Variants in FAT3 observed in about 807,000 individuals in gnomAD.
FAT3 encodes the protein protocadherin Fat 3.
A neutral mutation model predicts 310.2 loss-of-function variants in FAT3; 95 were observed. The observed-to-expected ratio is 0.31, with a 90% CI of 0.26 to 0.36. The LOEUF (loss-of-function observed/expected upper bound fraction) is 0.36, where lower values mean the gene tolerates loss of function less well. Ranked by LOEUF, FAT3 falls within the 10% of genes least tolerant of loss-of-function variation. The pLI is 1.00. For synonymous variants in FAT3, 2,314 were observed against 2,192.9 expected (o/e 1.06, Z -1.54); for missense variants, 5,408 against 5,715.6 (o/e 0.95, Z 1.74).
chr11:92,700,360 A>T (rs1192187236), intron 4 of FAT3, among the ~76,000 whole-genome samples: 1 of 152,136 alleles, frequency 6.6e-6, no homozygotes, highest in Non-Finnish European at 1.5e-5. Context: ...TCCTGAGTGC[A>T]GTGGAAAGCC....
At chr11:92,790,328 T>A (rs1290918730) in intron 8 of FAT3, 110 bp downstream of exon 8, 5 of 1,218,722 alleles carry the variant, frequency 4.1e-6, no homozygotes, top group Non-Finnish European at 5.7e-6. Context: ...AGTTGTAAAT[T>A]TAGTCTTTTC....
At chr11:92,393,498 A>G (rs1949793853) in intron 2 of FAT3, among the ~76,000 whole-genome samples, 1 of 152,190 alleles carries the variant, frequency 6.6e-6, no homozygotes, top group Non-Finnish European at 1.5e-5. Flanking sequence ...CAGGAATACC[A>G]GCATCCCAAG....
At chr11:92,877,550 T>C (rs1312566867) in intron 22 of FAT3, among the ~76,000 whole-genome samples, 1 of 152,142 alleles carries the variant, frequency 6.6e-6, no homozygotes, top group Non-Finnish European at 1.5e-5. Flanking sequence ...CCTCCCAGTA[T>C]TAGAAACCAG....
Position 92,800,046 on chromosome 11 carries a change from T to G in FAT3, c.7033T>G (p.Leu2345Val), listed in dbSNP as rs771602284. The G allele has an allele frequency of 2.5e-6, 4 of 1,613,984 alleles. No homozygotes were observed. In the South Asian group the frequency reaches 4.4e-5, roughly 18 times the overall value. ...DYFHIDSSSG[L>V]ILTARMLDHE... ...TTTTCACATAGATAGCTCAAGTGGC[T>G]TAATCCTGACAGCACGAATGCTGGA... The change falls in exon 10 of 28, where the codon TTA (leucine) becomes GTA (valine). Residue 2345 changes from leucine to valine, a missense_variant. By Grantham distance (32) the Leu-to-Val change is conservative. Around this residue, in one of 5 missense-constraint regions of FAT3, gnomAD observed 4,588 missense variants for 4,809.8 expected, o/e 0.95. Transcript: ENST00000525166.
intron 4 of FAT3, among the ~76,000 whole-genome samples, chr11:92,739,546 C>T (rs1379075631): frequency 6.6e-6 from 1 of 152,192 alleles, no homozygotes; most frequent in East Asian, 1.9e-4. Context: ...CTTCGCAGAA[C>T]ATTCTCTACA....
chr11:92,346,164 G>GC (rs1398785743), intron 1 of FAT3, among the ~76,000 whole-genome samples: 1 of 152,124 alleles, frequency 6.6e-6, no homozygotes, highest in Non-Finnish European at 1.5e-5. Flanking sequence ...GATTTCAGGA[G>GC]CAAGGACCCA....
chr11:92,504,783 T>G (rs2135285625), intron 2 of FAT3, among the ~76,000 whole-genome samples: 1 of 152,202 alleles, frequency 6.6e-6, no homozygotes, highest in South Asian at 2.1e-4. Flanking sequence ...GTGTATCAGG[T>G]ACTGGGAGGA....
intron 1 of FAT3, among the ~76,000 whole-genome samples, chr11:92,241,469 A>G (rs1055334456): frequency 2.6e-5 from 4 of 152,084 alleles, no homozygotes; most frequent in African/African-American, 9.7e-5. Flanking sequence ...TTTTAGATAG[A>G]TATTTTATTT....
chr11:92,286,024 G>T (rs1015916955), intron 1 of FAT3, among the ~76,000 whole-genome samples: 1 of 151,948 alleles, frequency 6.6e-6, no homozygotes, highest in Non-Finnish European at 1.5e-5. Context: ...TGAGAGTGTC[G>T]GTAAAAACTG....
intron 1 of FAT3, among the ~76,000 whole-genome samples, chr11:92,225,841 G>A (rs1483157413): frequency 6.6e-6 from 1 of 152,158 alleles, no homozygotes; most frequent in African/African-American, 2.4e-5. Context: ...CGGAGTGGTT[G>A]GGGACAGAGA....
intron 3 of FAT3, among the ~76,000 whole-genome samples, chr11:92,549,985 A>ATTCC (rs1954750168): frequency 1.3e-5 from 2 of 152,134 alleles, no homozygotes; most frequent in Admixed American, 6.5e-5. Context: ...AGTTTTAGAA[A>ATTCC]TGGGCCATAA....
intron 3 of FAT3, among the ~76,000 whole-genome samples, chr11:92,624,005 G>A (rs1296776607): frequency 2.0e-5 from 3 of 151,956 alleles, no homozygotes; most frequent in African/African-American, 7.2e-5. Context: ...CTATTTTTTT[G>A]TGGCCAGCAT....
chr11:92,856,913 C>A (rs1948993705), intron 19 of FAT3, among the ~76,000 whole-genome samples: 1 of 152,100 alleles, frequency 6.6e-6, no homozygotes, highest in Non-Finnish European at 1.5e-5. Context: ...TGAAGTTGGT[C>A]CAGATGTAAC....
At chr11:92,528,846 G>A (rs1440189520) in intron 3 of FAT3, among the ~76,000 whole-genome samples, 1 of 152,170 alleles carries the variant, frequency 6.6e-6, no homozygotes, top group East Asian at 1.9e-4. Context: ...GTGTTTAGTA[G>A]AGAACTCAAT....
chr11:92,627,840 T>G (rs1941393954), intron 3 of FAT3, among the ~76,000 whole-genome samples: 1 of 152,198 alleles, frequency 6.6e-6, no homozygotes, highest in African/African-American at 2.4e-5. Context: ...GAGTTGACAT[T>G]AATCATGAAG....
intron 4 of FAT3, among the ~76,000 whole-genome samples, chr11:92,713,616 A>G (rs990943458): frequency 1.3e-5 from 2 of 152,244 alleles, no homozygotes; most frequent in Non-Finnish European, 2.9e-5. Context: ...GTTTAAAAAT[A>G]GGAAATTCAC....
chr11:92,489,849 C>G (rs1054105500), intron 2 of FAT3, among the ~76,000 whole-genome samples: 2 of 151,254 alleles, frequency 1.3e-5, no homozygotes, highest in Non-Finnish European at 2.9e-5. Context: ...TTCTTGATTC[C>G]AAAAAGTTAA....
intron 1 of FAT3, among the ~76,000 whole-genome samples, chr11:92,277,009 C>T (rs1010561958): frequency 2.0e-5 from 3 of 152,050 alleles, no homozygotes; most frequent in African/African-American, 7.2e-5. Context: ...GCAGCTGTAG[C>T]TTATTTTTTA....
chr11:92,378,150 G>C (rs1034503269), intron 2 of FAT3, among the ~76,000 whole-genome samples: 5 of 152,110 alleles, frequency 3.3e-5, no homozygotes, highest in Admixed American at 2.6e-4. Context: ...AAGGATTTTA[G>C]CTTACATTTA....
Sources: gnomAD v4.1 joint callset for allele counts (sites outside exome capture counted in the v4.1 genomes callset) on GRCh38, gnomAD v4.1.1 for gene constraint, gnomAD v4.1.1 regional missense constraint, MANE v1.5 for transcripts, NCBI Gene and HGNC (gene_info 2026-07-23, HGNC 2026-07-21) for gene names.